GABRB1: variants seen among roughly 807,000 people sequenced by gnomAD.
GABRB1 encodes gamma-aminobutyric acid receptor subunit beta-1.
GABRB1 carries 17 observed loss-of-function variants against 51.6 expected under a neutral mutation model. The ratio of observed to expected loss-of-function variants is 0.33; its 90% CI spans 0.23 to 0.49. The LOEUF (loss-of-function observed/expected upper bound fraction) is 0.49. GABRB1 is among the 20% of genes least tolerant of loss of function. GABRB1 has a pLI of 0.99. For synonymous variants in GABRB1, 247 were observed against 218.9 expected (o/e 1.13, Z -1.14); for missense variants, 410 against 600.6 (o/e 0.68, Z 3.32).
intron 3 of GABRB1, among the ~76,000 whole-genome samples, chr4:47,066,254 T>C (rs1052001218): frequency 6.6e-6 from 1 of 152,224 alleles, no homozygotes; most frequent in Non-Finnish European, 1.5e-5. Context: ...AAATACTTTA[T>C]TACTAAAATA....
chr4:47,328,824 G>A (rs1047991267), intron 5 of GABRB1, among the ~76,000 whole-genome samples: 1 of 151,546 alleles, frequency 6.6e-6, no homozygotes, highest in Admixed American at 6.6e-5. Context: ...GTTAAATGAC[G>A]AGTTACCAGG....
At chr4:47,293,683 C>G (rs140054688) in intron 4 of GABRB1, among the ~76,000 whole-genome samples, 22 of 152,204 alleles carry the variant, frequency 1.4e-4, no homozygotes, top group Non-Finnish European at 8.8e-5. Context: ...AATCCAAGAT[C>G]AAAATTTTAA....
intron 1 of GABRB1, among the ~76,000 whole-genome samples, chr4:46,997,892 T>G (rs1202319010): frequency 6.6e-6 from 1 of 152,200 alleles, no homozygotes; most frequent in Admixed American, 6.5e-5. Context: ...ACATTAGAGC[T>G]CAGATATCTC....
intron 5 of GABRB1, among the ~76,000 whole-genome samples, chr4:47,367,211 T>C (rs1221493877): frequency 1.3e-5 from 2 of 152,194 alleles, no homozygotes; most frequent in African/African-American, 4.8e-5. Context: ...TTCCAAGCAC[T>C]ACTATCTCTA....
intron 3 of GABRB1, among the ~76,000 whole-genome samples, chr4:47,112,296 G>C (rs1056229727): frequency 1.3e-5 from 2 of 152,080 alleles, no homozygotes; most frequent in African/African-American, 4.8e-5. Context: ...ACAGTAGCTG[G>C]GACTACAGGC....
chr4:47,232,183 G>A (rs17539459), intron 4 of GABRB1, among the ~76,000 whole-genome samples: 17,951 of 151,996 alleles, frequency 0.12, 1,295 homozygotes, highest in Non-Finnish European at 0.15. Context: ...AACCAGAGCC[G>A]CTTTTCCCTA....
chr4:47,288,226 G>T (rs1723587142), intron 4 of GABRB1, among the ~76,000 whole-genome samples: 1 of 151,236 alleles, frequency 6.6e-6, no homozygotes. Flanking sequence ...CTTGAACCTT[G>T]AGAACAGGGC....
At chr4:47,204,713 G>C (rs1176449410) in intron 4 of GABRB1, among the ~76,000 whole-genome samples, 1 of 152,068 alleles carries the variant, frequency 6.6e-6, no homozygotes, top group Non-Finnish European at 1.5e-5. Flanking sequence ...GCCTGCACAA[G>C]CTCTCTCTTT....
At chr4:47,070,775 G>A (rs1184206966) in intron 3 of GABRB1, among the ~76,000 whole-genome samples, 1 of 151,914 alleles carries the variant, frequency 6.6e-6, no homozygotes, top group Non-Finnish European at 1.5e-5. Flanking sequence ...AGCTATCCCA[G>A]GTTTCATTCT....
chr4:47,139,661 T>C (rs749841454), intron 3 of GABRB1, among the ~76,000 whole-genome samples: 21 of 152,052 alleles, frequency 1.4e-4, no homozygotes, highest in Non-Finnish European at 3.1e-4. Flanking sequence ...ATTGACAGGA[T>C]TGAAATGAGT....
chr4:47,344,522 A>T (rs1314699934), intron 5 of GABRB1, among the ~76,000 whole-genome samples: 1 of 152,230 alleles, frequency 6.6e-6, no homozygotes, highest in Non-Finnish European at 1.5e-5. Context: ...AAAGTCATGT[A>T]TAACTAGGTT....
chr4:47,019,625 C>CTCTCTCTTTCTTTCTTTCTTTCTT lies in GABRB1; in HGVS notation c.-19-12286_-19-12285insCTCTTTCTTTCTTTCTTTCTTTCT, dbSNP rs1274221477. Among the ~76,000 whole-genome samples the CTCTCTCTTTCTTTCTTTCTTTCTT allele has an allele frequency of 5.6e-4, 51 of 91,100 alleles. 1 individual carries two copies. Among genetic ancestry groups the CTCTCTCTTTCTTTCTTTCTTTCTT allele is most frequent in the South Asian group, 1.3e-3 (3 of 2,314 alleles). The allele number at this position is 91,100 out of a possible 152,430, so 59.8% of individuals were successfully genotyped here. A position where few individuals can be genotyped will look rare whatever the true frequency, so the allele number is the denominator to read the frequency against. On this transcript the variant is annotated intron_variant, in intron 1 of 3. Transcript: ENST00000513567. The stretch of plus-strand genomic sequence containing the variant: ...TCCTCCCTTCTTTCTTTCTTTCTCT[C>CTCTCTCTTTCTTTCTTTCTTTCTT]TCTTTCTTTCTTTCTTTCTTTCTTT...
intron 4 of GABRB1, among the ~76,000 whole-genome samples, chr4:47,273,306 A>G (rs1232803094): frequency 6.6e-6 from 1 of 152,242 alleles, no homozygotes; most frequent in Non-Finnish European, 1.5e-5. Context: ...ATGCTAAATA[A>G]GAAATTGGTG....
chr4:47,296,716 C>G (rs904762209), intron 4 of GABRB1, among the ~76,000 whole-genome samples: 4 of 152,114 alleles, frequency 2.6e-5, no homozygotes, highest in African/African-American at 9.7e-5. Flanking sequence ...AGAAAGTTAA[C>G]AAGGATACCC....
At chr4:47,132,477 A>T (rs1045646479) in intron 3 of GABRB1, among the ~76,000 whole-genome samples, 1 of 151,966 alleles carries the variant, frequency 6.6e-6, no homozygotes, top group African/African-American at 2.4e-5. Context: ...GCTTTAAGAG[A>T]TATTTTTAGA....
At chr4:47,025,219 A>G (rs2109456685) in intron 1 of GABRB1, among the ~76,000 whole-genome samples, 1 of 151,662 alleles carries the variant, frequency 6.6e-6, no homozygotes, top group Admixed American at 6.6e-5. Flanking sequence ...GTGTGCAAGT[A>G]TCTTTTTCAT....
chr4:47,120,151 T>C (rs1298482911), intron 3 of GABRB1, among the ~76,000 whole-genome samples: 1 of 152,152 alleles, frequency 6.6e-6, no homozygotes, highest in Non-Finnish European at 1.5e-5. Flanking sequence ...AAGCAGTCAA[T>C]TCAGCAATAG....
chr4:47,332,889 T>C (rs1247940481), intron 5 of GABRB1, among the ~76,000 whole-genome samples: 1 of 151,736 alleles, frequency 6.6e-6, no homozygotes, highest in African/African-American at 2.4e-5. Flanking sequence ...AAAGGAAAAA[T>C]TGTAAACTAT....
chr4:47,031,591 CGACT>C lies in GABRB1; in HGVS notation c.-60_-57del, dbSNP rs1479436111. Reference sequence around the variant, plus strand: ...CATTCGGGAATTACTGCCCAGCAGCCGACTAAGTTGCATTCCTTGAATCTTCGCA... The same window carrying C: ...CATTCGGGAATTACTGCCCAGCAGCCAAGTTGCATTCCTTGAATCTTCGCA... On this transcript the variant is annotated 5_prime_UTR_variant, in exon 1 of 9. Coordinates refer to ENST00000295454, the MANE Select transcript of GABRB1 (RefSeq NM_000812.4). 1 of 1,411,680 alleles carries C rather than the reference CGACT, an allele frequency of 7.1e-7. No individual in the cohort carries two copies. Among genetic ancestry groups the C allele is most frequent in the Non-Finnish European group, 1.0e-6 (1 of 996,116 alleles). The allele number at this position is 1,411,680 out of a possible 1,614,324, so 87.4% of individuals were successfully genotyped here.
Sources: allele counts gnomAD v4.1 joint callset (sites outside exome capture counted in the v4.1 genomes callset), GRCh38; gene constraint gnomAD v4.1.1; transcripts MANE v1.5; gene names NCBI Gene and HGNC (gene_info 2026-07-23, HGNC 2026-07-21).